The following ZMIZ1 variants were observed in gnomAD, a reference collection of about 807,000 sequenced individuals.
ZMIZ1 encodes the protein zinc finger MIZ-type containing 1.
ZMIZ1 carries 17 observed loss-of-function variants against 113.9 expected under a neutral mutation model. That is an observed-to-expected ratio of 0.15 (90% CI 0.10 to 0.22). The LOEUF (loss-of-function observed/expected upper bound fraction) is 0.22, where lower values mean the gene tolerates loss of function less well. Among genes scored for constraint, ZMIZ1 ranks in the 10% least tolerant of loss-of-function variants. The pLI is 1.00. For missense variants in ZMIZ1, 1,059 were observed against 1,477.8 expected (o/e 0.72, Z 4.65); for synonymous variants, 607 against 603.1 (o/e 1.01, Z -0.09).
chr10:79,258,530 T>C (rs1455408705), intron 7 of ZMIZ1, among the ~76,000 whole-genome samples: 1 of 152,248 alleles, frequency 6.6e-6, no homozygotes, highest in African/African-American at 2.4e-5. Flanking sequence ...ACATTTCCAA[T>C]ACTGCAGAAA....
At chr10:79,122,504 C>G (rs748691251) in intron 2 of ZMIZ1, among the ~76,000 whole-genome samples, 39 of 152,262 alleles carry the variant, frequency 2.6e-4, no homozygotes, top group Non-Finnish European at 4.7e-4. Flanking sequence ...AGCCTCCTGT[C>G]TGGACTGCTC....
At chr10:79,250,338 C>T (rs1052362340) in intron 7 of ZMIZ1, among the ~76,000 whole-genome samples, 36 of 152,292 alleles carry the variant, frequency 2.4e-4, no homozygotes, top group African/African-American at 7.0e-4. Context: ...AGGGTGGTGC[C>T]ATCTGGGGGC....
intron 4 of ZMIZ1, among the ~76,000 whole-genome samples, chr10:79,186,197 C>T (rs534258821): frequency 6.6e-6 from 1 of 152,340 alleles, no homozygotes; most frequent in African/African-American, 2.4e-5. Flanking sequence ...GCCCTGGATC[C>T]TGTCCAAGCC....
chr10:79,079,682 G>T (rs932080491), intron 1 of ZMIZ1, among the ~76,000 whole-genome samples: 8 of 152,246 alleles, frequency 5.3e-5, no homozygotes, highest in Admixed American at 5.2e-4. Context: ...GGCAGGCATG[G>T]CCTTCTGCAG....
chr10:79,208,491 GT>G (rs1297016175), intron 6 of ZMIZ1, 42 bp downstream of exon 6: 1 of 1,551,894 alleles, frequency 6.4e-7, no homozygotes, highest in Admixed American at 1.7e-5. Context: ...GCCCAGGAAG[GT>G]CAGCTGAGTG....
At chr10:79,146,723 G>A (rs1280757933) in intron 3 of ZMIZ1, among the ~76,000 whole-genome samples, 1 of 152,308 alleles carries the variant, frequency 6.6e-6, no homozygotes, top group East Asian at 1.9e-4. Context: ...GCTGGGGCTG[G>A]GCGGGTGCTC....
chr10:79,261,443 A>G lies in ZMIZ1; in HGVS notation c.281-15738A>G, dbSNP rs561845947. ...GAGCTGCGTGCTGATTAAACACTGCAGAGGCCTAAACAAATGACGGCTCCC... is the reference window on the plus strand; with the variant it reads ...GAGCTGCGTGCTGATTAAACACTGCGGAGGCCTAAACAAATGACGGCTCCC... On this transcript the variant is annotated intron_variant, in intron 7 of 24. Transcript: ENST00000334512. Among the ~76,000 whole-genome samples, 5 of 152,312 alleles carry G rather than the reference A, an allele frequency of 3.3e-5. No homozygotes were observed. The South Asian group carries it at 6.2e-4, about 19-fold the overall frequency.
At chr10:79,288,219 T>C (rs1564584599) in intron 8 of ZMIZ1, among the ~76,000 whole-genome samples, 1 of 152,222 alleles carries the variant, frequency 6.6e-6, no homozygotes, top group Non-Finnish European at 1.5e-5. Flanking sequence ...AGCACAAGAC[T>C]TGGCTGCCCT....
At chr10:79,279,176 T>TG (rs1173193128) in intron 8 of ZMIZ1, among the ~76,000 whole-genome samples, 18 of 149,742 alleles carry the variant, frequency 1.2e-4, no homozygotes, top group Non-Finnish European at 2.2e-4. Flanking sequence ...ACGGGGCAGC[T>TG]GCCAGGGGGA....
intron 1 of ZMIZ1, among the ~76,000 whole-genome samples, chr10:79,094,198 A>C (rs1044418789): frequency 1.3e-5 from 2 of 152,184 alleles, no homozygotes; most frequent in African/African-American, 4.8e-5. Flanking sequence ...CTTCCTCGGC[A>C]CAAGCGAGCC....
At chr10:79,085,318 A>G (rs528211385) in intron 1 of ZMIZ1, among the ~76,000 whole-genome samples, 1 of 152,114 alleles carries the variant, frequency 6.6e-6, no homozygotes, top group East Asian at 1.9e-4. Context: ...GCTCGGATGT[A>G]GCCTCCTCAA....
chr10:79,137,911 G>A (rs1845083812), intron 2 of ZMIZ1, among the ~76,000 whole-genome samples: 1 of 152,130 alleles, frequency 6.6e-6, no homozygotes, highest in Non-Finnish European at 1.5e-5. Flanking sequence ...CTCTGACAGG[G>A]ACATTTATAA....
intron 8 of ZMIZ1, among the ~76,000 whole-genome samples, chr10:79,280,907 C>T (rs1178995218): frequency 6.6e-6 from 1 of 152,196 alleles, no homozygotes; most frequent in Non-Finnish European, 1.5e-5. Context: ...AGCAGCATAC[C>T]TTGCAGTTGC....
At chr10:79,257,852 G>T (rs1484062733) in intron 7 of ZMIZ1, among the ~76,000 whole-genome samples, 2 of 152,222 alleles carry the variant, frequency 1.3e-5, no homozygotes, top group African/African-American at 4.8e-5. Flanking sequence ...GGTGATTGCT[G>T]TTGAGTCCAG....
At chr10:79,125,442 T>G (rs956208003) in intron 2 of ZMIZ1, among the ~76,000 whole-genome samples, 1 of 152,234 alleles carries the variant, frequency 6.6e-6, no homozygotes, top group African/African-American at 2.4e-5. Context: ...ACATGCTTCA[T>G]GGATGGTGTG....
At chr10:79,259,617 CTT>C (rs376330346) in intron 7 of ZMIZ1, among the ~76,000 whole-genome samples, 27 of 141,066 alleles carry the variant, frequency 1.9e-4, no homozygotes, top group Admixed American at 2.1e-4. Flanking sequence ...CTATCACCTT[CTT>C]TTTTTTTTTT....
chr10:79,254,740 C>T (rs1480536070), intron 7 of ZMIZ1, among the ~76,000 whole-genome samples: 1 of 152,172 alleles, frequency 6.6e-6, no homozygotes, highest in East Asian at 1.9e-4. Context: ...GCAGTTTAGA[C>T]AGGTGGGCGG....
At chr10:79,087,122 C>CT (rs2132210894) in intron 1 of ZMIZ1, among the ~76,000 whole-genome samples, 1 of 152,380 alleles carries the variant, frequency 6.6e-6, no homozygotes, top group South Asian at 2.1e-4. Flanking sequence ...CTTCCCATTG[C>CT]TTGTTCACTG....
At chr10:79,218,035 T>C (rs1848808987) in intron 7 of ZMIZ1, among the ~76,000 whole-genome samples, 1 of 152,224 alleles carries the variant, frequency 6.6e-6, no homozygotes, top group Non-Finnish European at 1.5e-5. Context: ...GAAAGGGTCC[T>C]GCCTTAAGAA....
Sources: gnomAD v4.1 joint callset for allele counts (sites outside exome capture counted in the v4.1 genomes callset) on GRCh38, gnomAD v4.1.1 for gene constraint, MANE v1.5 for transcripts, NCBI Gene and HGNC (gene_info 2026-07-23, HGNC 2026-07-21) for gene names.